Variants in TBCK observed in about 807,000 individuals in gnomAD.
TBCK encodes the protein TBC1 domain containing kinase.
TBCK carries 99 observed loss-of-function variants against 113.4 expected under a neutral mutation model. The observed-to-expected ratio is 0.87, with a 90% confidence interval of 0.74 to 1.03. The LOEUF is 1.03. Ranked by LOEUF, TBCK falls within the 50% of genes least tolerant of loss-of-function variation. The pLI, the probability that TBCK is intolerant of heterozygous loss-of-function variation, is 0.00. For missense variants in TBCK, 1,045 were observed against 1,061.3 expected (o/e 0.98, Z 0.21); for synonymous variants, 369 against 370.8 (o/e 1.00, Z 0.05).
chr4:106,116,039 A>C (rs1479719799), intron 24 of TBCK, among the ~76,000 whole-genome samples, 164 bp downstream of exon 24: 2 of 152,214 alleles, frequency 1.3e-5, no homozygotes, highest in Non-Finnish European at 2.9e-5. Context: ...TTATCTTATA[A>C]AACCTTATGC....
chr4:106,161,694 G>C (rs1052341700), intron 23 of TBCK, among the ~76,000 whole-genome samples: 1 of 137,258 alleles, frequency 7.3e-6, no homozygotes, highest in Non-Finnish European at 1.6e-5. Context: ...CCAGAATTAG[G>C]TGTGTCTGTG....
At chr4:106,072,054 G>T (rs1048665940) in intron 25 of TBCK, among the ~76,000 whole-genome samples, 14 of 152,154 alleles carry the variant, frequency 9.2e-5, no homozygotes, top group Non-Finnish European at 1.9e-4. Context: ...TATCCAATTT[G>T]CCAGTCTGTG....
intron 5 of TBCK, among the ~76,000 whole-genome samples, chr4:106,259,699 G>A (rs889240712): frequency 3.9e-5 from 6 of 151,932 alleles, no homozygotes; most frequent in African/African-American, 1.4e-4. Context: ...AGAAACTGAT[G>A]AAGGGTAGAG....
At chr4:106,118,665 A>T (rs890127696) in intron 23 of TBCK, among the ~76,000 whole-genome samples, 1 of 152,202 alleles carries the variant, frequency 6.6e-6, no homozygotes, top group Admixed American at 6.5e-5. Flanking sequence ...ACTTTTAGTC[A>T]TTTTGTGATG....
At chr4:106,115,580 A>T (rs1416224391) in intron 24 of TBCK, among the ~76,000 whole-genome samples, 3 of 152,176 alleles carry the variant, frequency 2.0e-5, no homozygotes, top group Admixed American at 6.5e-5. Flanking sequence ...CAAAGTGAAA[A>T]CCATTTATCT....
chr4:106,305,963 C>T (rs1194862814), intron 2 of TBCK, among the ~76,000 whole-genome samples: 6 of 152,150 alleles, frequency 3.9e-5, no homozygotes, highest in Non-Finnish European at 2.9e-5. Context: ...AAATGGACAA[C>T]CAGCAGCCCT....
At chr4:106,231,684 T>C in intron 18 of TBCK, 45 bp downstream of exon 18, 1 of 1,544,186 alleles carries the variant, frequency 6.5e-7, no homozygotes. Context: ...TCAAATATTT[T>C]AGAATATTAT....
At chr4:106,283,829 A>G (rs1764861521) in intron 3 of TBCK, among the ~76,000 whole-genome samples, 1 of 152,148 alleles carries the variant, frequency 6.6e-6, no homozygotes, top group Non-Finnish European at 1.5e-5. Context: ...AAAAATATTA[A>G]CATAGCAGAA....
chr4:106,308,634 G>T, intron 2 of TBCK, 134 bp downstream of exon 2: 2 of 796,946 alleles, frequency 2.5e-6, no homozygotes, highest in East Asian at 2.7e-5. Context: ...CAGGGTGGGG[G>T]AAAAGGATGA....
chr4:106,231,619 T>C (rs1310013002), intron 18 of TBCK, 110 bp downstream of exon 18: 1 of 891,946 alleles, frequency 1.1e-6, no homozygotes, highest in Non-Finnish European at 1.7e-6. Context: ...CACAGAAATC[T>C]ACCAGGGAGA....
intron 23 of TBCK, among the ~76,000 whole-genome samples, chr4:106,166,309 A>G (rs966269548): frequency 7.9e-5 from 12 of 151,818 alleles, no homozygotes; most frequent in African/African-American, 2.9e-4. Context: ...AAATTTTGAG[A>G]AAATAAACAT....
At chr4:106,207,343 G>A (rs1249941792) in intron 20 of TBCK, among the ~76,000 whole-genome samples, 2 of 152,160 alleles carry the variant, frequency 1.3e-5, no homozygotes, top group African/African-American at 4.8e-5. Flanking sequence ...AATGATGAAA[G>A]ATTAATGAGG....
At chr4:106,236,859 C>T (rs748907864) in intron 12 of TBCK, 51 bp from the exon 13 acceptor site, 15 of 1,062,652 alleles carry the variant, frequency 1.4e-5, no homozygotes, top group African/African-American at 1.2e-4. Flanking sequence ...GGGCAGAAAC[C>T]CTGATCTGTG....
rs752914603 is a variant in TBCK at position 106,248,259 on chromosome 4, G to A, written c.768C>T (p.Phe256=). 2 of 1,596,934 alleles carry A rather than the reference G, an allele frequency of 1.3e-6. No homozygotes were observed. Among genetic ancestry groups the A allele is most frequent in the Middle Eastern group, 3.3e-4 (2 of 5,986 alleles). Residue 256 remains phenylalanine (F), a synonymous_variant, in exon 9 of 26, where the codon TTC becomes TTT. Coordinates refer to ENST00000394708, the MANE Select transcript of TBCK (RefSeq NM_001163435.3). ...ATAATATCAACCTCTTAGAAGGATGGAAGGTAAGGCACTTATTCAAAAGAT... is the reference window on the plus strand; with the variant it reads ...ATAATATCAACCTCTTAGAAGGATGAAAGGTAAGGCACTTATTCAAAAGAT... The part of the protein sequence containing the change: ...VIDLLNKCLT[F]HPSKRPTPDQ...
At chr4:106,116,060 TG>T in intron 24 of TBCK, 142 bp downstream of exon 24, 1 of 701,312 alleles carries the variant, frequency 1.4e-6, no homozygotes, top group Non-Finnish European at 2.3e-6. Flanking sequence ...AAGACCATTC[TG>T]GCATCCAGTT....
chr4:106,106,712 C>T (rs1742207116), intron 24 of TBCK, among the ~76,000 whole-genome samples: 1 of 152,146 alleles, frequency 6.6e-6, no homozygotes, highest in Non-Finnish European at 1.5e-5. Flanking sequence ...ACCGACGTCA[C>T]TGTAAAGCAA....
intron 19 of TBCK, among the ~76,000 whole-genome samples, chr4:106,226,708 T>C (rs1360982239): frequency 6.6e-6 from 1 of 152,188 alleles, no homozygotes; most frequent in Non-Finnish European, 1.5e-5. Context: ...TGGTCACCAT[T>C]TGACAGATTA....
At chr4:106,083,047 A>T (rs1739080279) in intron 25 of TBCK, among the ~76,000 whole-genome samples, 1 of 152,242 alleles carries the variant, frequency 6.6e-6, no homozygotes, top group South Asian at 2.1e-4. Context: ...CTCAGCTGGA[A>T]TCTGCTTAAG....
At chr4:106,305,856 T>A (rs996940716) in intron 2 of TBCK, among the ~76,000 whole-genome samples, 8 of 152,026 alleles carry the variant, frequency 5.3e-5, no homozygotes, top group African/African-American at 1.9e-4. Context: ...GTTTACAAAT[T>A]CCAAGGCAAC....
Sources: gnomAD v4.1 joint callset for allele counts (sites outside exome capture counted in the v4.1 genomes callset) on GRCh38, gnomAD v4.1.1 for gene constraint, MANE v1.5 for transcripts, NCBI Gene and HGNC (gene_info 2026-07-23, HGNC 2026-07-21) for gene names.